Variants in ZNF439 observed in about 807,000 individuals in gnomAD.
ZNF439 encodes the protein zinc finger protein 439.
Under a neutral mutation model 47.3 loss-of-function variants are expected in ZNF439, and 40 were observed. The observed-to-expected ratio is 0.85, with a 90% CI of 0.66 to 1.10. The LOEUF (loss-of-function observed/expected upper bound fraction) is 1.10. Among genes scored for constraint, ZNF439 ranks in the 50% least tolerant of loss-of-function variants. ZNF439 has a pLI of 0.00. For synonymous variants in ZNF439, 171 were observed against 198.8 expected (o/e 0.86, Z 1.18); for missense variants, 556 against 601.1 (o/e 0.93, Z 0.78).
rs1262314894 is a variant in ZNF439 at position 11,866,189 on chromosome 19, A to G, written c.64-16A>G. 1.2e-6 allele frequency: 2 copies of G among 1,614,094 alleles called. No homozygotes were observed. Among genetic ancestry groups the G allele is most frequent in the East Asian group, 4.5e-5 (2 of 44,876 alleles). On this transcript the variant is annotated splice_polypyrimidine_tract_variant and intron_variant, in intron 1 of 3. Transcript: ENST00000682736. ...CACTCTCACCCATCCTCCTCTACAC[A>G]TGTGAGATGTTTCAGGACCCAGTGG...
chr19:11,867,262 A>C, intron 3 of ZNF439, 44 bp from the exon 4 acceptor site: 4 of 1,575,154 alleles, frequency 2.5e-6, no homozygotes, highest in Non-Finnish European at 3.4e-6. Flanking sequence ...ATATAAAATT[A>C]CTTATAAACA....
rs746091527 is a variant in ZNF439, at chr19:11,867,497, C to T, written c.443C>T (p.Thr148Ile). 3.3e-5 allele frequency: 53 copies of T among 1,614,002 alleles called. No homozygotes were observed. The highest frequency in any genetic ancestry group is 4.2e-5 in the Non-Finnish European group (50 of 1,180,028). The change falls in exon 4 of 4, where the codon ACT becomes ATT. Residue 148 changes from threonine (T) to isoleucine (I), a missense_variant. Coordinates refer to ENST00000682736, the MANE Select transcript of ZNF439 (RefSeq NM_001348719.2). ...SSSNMNIRGD[T>I]GHKACECQEY... ...TCTAATATGAACATCAGAGGTGACA[C>T]TGGACACAAGGCATGTGAATGTCAG...
Position 11,865,738 on chromosome 19 carries a change from A to AAAC in ZNF439, c.64-465_64-464insCAA, listed in dbSNP as rs1409459624. Among the ~76,000 whole-genome samples the AAAC allele has an allele frequency of 2.1e-5, 3 of 144,842 alleles. 1 individual carries two copies. Among genetic ancestry groups the AAAC allele is most frequent in the African/African-American group, 7.9e-5 (3 of 37,830 alleles). On this transcript the variant is annotated intron_variant, in intron 1 of 3. Transcript: ENST00000682736. ...AAAAAAAAAAAAAAAAAAAAAAAAA[A>AAAC]AATTGCTGTCTGGGTGTGGTGGCTC...
At chr19:11,860,879 G>A (rs1976522482) in intron 1 of ZNF439, among the ~76,000 whole-genome samples, 1 of 152,158 alleles carries the variant, frequency 6.6e-6, no homozygotes, top group South Asian at 2.1e-4. Context: ...GTGCAGACAC[G>A]AGTTTGCCCA....
At chr19:11,854,430 C>T (rs1401468828) in intron 1 of ZNF439, among the ~76,000 whole-genome samples, 1 of 152,122 alleles carries the variant, frequency 6.6e-6, no homozygotes, top group African/African-American at 2.4e-5. Flanking sequence ...AATCCATAGC[C>T]CAGGGATGCA....
Position 11,868,141 on chromosome 19 carries a change from A to G in ZNF439, c.1087A>G (p.Thr363Ala). 6.2e-7 allele frequency: 1 copy of G among 1,614,146 alleles called. No homozygotes were observed. ...TGGAGAAAGACCTTATGAATGTAAGACATGTGGGAAAGGCTTTTATTCTGC... is the reference window on the plus strand; with the variant it reads ...TGGAGAAAGACCTTATGAATGTAAGGCATGTGGGAAAGGCTTTTATTCTGC... The part of the protein sequence containing the change: ...HSGERPYECK[T>A]CGKGFYSAKS... The change falls in exon 4 of 4, where the codon ACA (threonine) becomes GCA (alanine). Residue 363 changes from threonine to alanine, a missense_variant. Coordinates refer to ENST00000682736, the MANE Select transcript of ZNF439 (RefSeq NM_001348719.2).
chr19:11,868,661 C>G lies in ZNF439; in HGVS notation c.*92C>G, dbSNP rs1376553378. 1 of 1,352,362 alleles carries G rather than the reference C, an allele frequency of 7.4e-7. No individual in the cohort carries two copies. Among genetic ancestry groups the G allele is most frequent in the Non-Finnish European group, 1.0e-6 (1 of 967,632 alleles). 83.8% of individuals were successfully genotyped at this position (1,352,362 alleles called of 1,614,324 possible). On this transcript the variant is annotated 3_prime_UTR_variant, in exon 4 of 4. Coordinates refer to ENST00000682736, the MANE Select transcript of ZNF439 (RefSeq NM_001348719.2). ...TGGAGAGAAACCCTATAAATGCAAG[C>G]AATGTGGTAAAGCCTTAATTGTTCC...
At chr19:11,853,439 G>C (rs1165298183) in intron 1 of ZNF439, among the ~76,000 whole-genome samples, 2 of 152,144 alleles carry the variant, frequency 1.3e-5, no homozygotes, top group Non-Finnish European at 2.9e-5. Flanking sequence ...GAGTAAAGGG[G>C]ATAGAGAGAA....
chr19:11,859,001 A>G (rs1361412077), intron 1 of ZNF439, among the ~76,000 whole-genome samples: 1 of 152,206 alleles, frequency 6.6e-6, no homozygotes, highest in African/African-American at 2.4e-5. Flanking sequence ...CTAACATTGT[A>G]GAATGATAAA....
rs1312803006 is a variant in ZNF439 at position 11,868,426 on chromosome 19, C to G, written c.1372C>G (p.Leu458Val). Reference sequence around the variant, plus strand: ...GAAAGCTTTCAGATCTGCCTCACAACTTCGAATCCATCGTAGGATTCACAC... The same window carrying G: ...GAAAGCTTTCAGATCTGCCTCACAAGTTCGAATCCATCGTAGGATTCACAC... ...CGKAFRSASQ[L>V]RIHRRIHTGE... is the part of the protein sequence containing the mutation. The change falls in exon 4 of 4, where the codon CTT (leucine) becomes GTT (valine). Residue 458 changes from leucine (L) to valine (V), a missense_variant. By Grantham distance (32) the Leu-to-Val change is conservative. Coordinates refer to ENST00000682736, the MANE Select transcript of ZNF439 (RefSeq NM_001348719.2). 3 of 1,613,134 alleles carry G rather than the reference C, an allele frequency of 1.9e-6. No individual in the cohort carries two copies. The East Asian group carries it at 6.7e-5, about 36-fold the overall frequency.
chr19:11,859,314 G>A (rs999070908), intron 1 of ZNF439, among the ~76,000 whole-genome samples: 31 of 152,320 alleles, frequency 2.0e-4, no homozygotes, highest in African/African-American at 7.5e-4. Context: ...CTTATAAGCA[G>A]CGTCTGGGAG....
At position 11,860,669 on chromosome 19, in the gene ZNF439, A is replaced by C. The variant is rs1469849619; in HGVS notation, c.64-5536A>C. ...GGTCGGGGGCACCTTGCTTCTAGTG[A>C]ACAAGGGCCCTGAGCTTCTAGTGCC... On this transcript the variant is annotated intron_variant, in intron 1 of 3. Transcript: ENST00000682736. Among the ~76,000 whole-genome samples the C allele has an allele frequency of 3.3e-5, 5 of 152,210 alleles. No homozygotes were observed. The East Asian group carries it at 5.8e-4, about 18-fold the overall frequency.
chr19:11,867,919 TC>T lies in ZNF439; in HGVS notation c.867del (p.Cys290ValfsTer61). ...TGGGAAAGCATTCCATAGTCCCAGA[TC>T]CTGTCACAGACATGAAAGGAGTCAC... Reference protein sequence around the residue: ...ECGKAFHSPRSCHRHERSHMG... With the variant: ...ECGKAFHSPRXCHRHERSHMG... On this transcript the variant is annotated frameshift_variant, in exon 4 of 4. Transcript: ENST00000682736. LOFTEE classifies it high-confidence loss of function. 6.2e-7 allele frequency: 1 copy of T among 1,613,976 alleles called. No individual in the cohort carries two copies. The highest frequency in any genetic ancestry group is 1.3e-5 in the African/African-American group (1 of 74,992).
intron 1 of ZNF439, chr19:11,858,148 C>G (rs1229876320): frequency 6.6e-6 from 1 of 152,060 alleles, no homozygotes; most frequent in Admixed American, 6.5e-5. Flanking sequence ...TTATCCTTCT[C>G]GTGTAAGGGT....
At chr19:11,849,772 G>C (rs1976182666) in intron 1 of ZNF439, 1 of 152,156 alleles carries the variant, frequency 6.6e-6, no homozygotes, top group South Asian at 2.1e-4. Context: ...CCAAAAAACA[G>C]TCCTGTTTCT....
intron 1 of ZNF439, among the ~76,000 whole-genome samples, chr19:11,865,712 CAAAAAAAAAAAAA>C (rs71166640): frequency 2.6e-4 from 21 of 82,030 alleles, no homozygotes; most frequent in Non-Finnish European, 2.8e-4. Flanking sequence ...TACACTATCA[CAAAAAAAAAAAAA>C]AAAAAAAAAA....
chr19:11,860,295 T>A (rs761237967), intron 1 of ZNF439, among the ~76,000 whole-genome samples: 34 of 152,112 alleles, frequency 2.2e-4, no homozygotes, highest in Non-Finnish European at 4.1e-4. Context: ...CAAAAAAAAA[T>A]TGTCTCTTGC....
chr19:11,849,006 G>C (rs1055872524), intron 1 of ZNF439, 76 bp downstream of exon 1: 3 of 1,415,802 alleles, frequency 2.1e-6, no homozygotes, highest in Admixed American at 2.1e-5. Context: ...CTCCCTGTGG[G>C]CGACTCCGGG....
intron 1 of ZNF439, chr19:11,849,149 C>A: frequency 5.3e-6 from 6 of 1,126,280 alleles, no homozygotes; most frequent in Non-Finnish European, 6.6e-6. Context: ...GGCCCCGAAG[C>A]CCTTTTGTGC....
Sources: gnomAD v4.1 joint callset for allele counts (sites outside exome capture counted in the v4.1 genomes callset) on GRCh38, gnomAD v4.1.1 for gene constraint, MANE v1.5 for transcripts, NCBI Gene and HGNC (gene_info 2026-07-23, HGNC 2026-07-21) for gene names.